SH3PXD2B: variants seen among roughly 807,000 people sequenced by gnomAD.
SH3PXD2B encodes SH3 and PX domain-containing protein 2B.
SH3PXD2B carries 37 observed loss-of-function variants against 73.1 expected under a neutral mutation model. The ratio of observed to expected loss-of-function variants is 0.51; its 90% CI spans 0.39 to 0.67. SH3PXD2B has a LOEUF of 0.67. SH3PXD2B is among the 30% of genes least tolerant of loss of function. SH3PXD2B has a pLI of 0.00. For missense variants in SH3PXD2B, 1,053 were observed against 1,197.8 expected, an observed-to-expected ratio of 0.88 and a Z score of 1.78; for synonymous variants, 457 against 480.5, an observed-to-expected ratio of 0.95 and a Z score of 0.64.
chr5:172,332,038 T>C (rs916227640), downstream of SH3PXD2B, among the ~76,000 whole-genome samples: 2 of 151,880 alleles, frequency 1.3e-5, no homozygotes, highest in Non-Finnish European at 2.9e-5. Context: ...GGGACAGAAA[T>C]GTAGTGAGAG....
At chr5:172,434,400 C>G (rs1759320047) in intron 1 of SH3PXD2B, among the ~76,000 whole-genome samples, 2 of 152,132 alleles carry the variant, frequency 1.3e-5, no homozygotes, top group South Asian at 4.1e-4. Context: ...CCTTGCCGAC[C>G]CACTGGCCCA....
intron 8 of SH3PXD2B, among the ~76,000 whole-genome samples, chr5:172,356,165 G>A (rs1206745565): frequency 6.6e-6 from 1 of 151,998 alleles, no homozygotes; most frequent in African/African-American, 2.4e-5. Context: ...CCTAGGACTT[G>A]TGTTAAAGGA....
chr5:172,397,009 G>A lies in SH3PXD2B; in HGVS notation c.233-2370C>T, dbSNP rs1201707591. ...GTATCACAAGGGAGATAACCTTTAG[G>A]TCTGGCTGCCTGAGAGCCAGGCGGA... On this transcript the variant is annotated intron_variant, in intron 3 of 12. Coordinates refer to ENST00000311601, the MANE Select transcript of SH3PXD2B (RefSeq NM_001017995.3). Among the ~76,000 whole-genome samples, 3 of 152,160 alleles carry A rather than the reference G, an allele frequency of 2.0e-5. No homozygotes were observed. In the East Asian group the frequency reaches 5.8e-4, roughly 29 times the overall value.
At chr5:172,427,195 T>C (rs1417391165) in intron 1 of SH3PXD2B, among the ~76,000 whole-genome samples, 1 of 152,222 alleles carries the variant, frequency 6.6e-6, no homozygotes, top group Non-Finnish European at 1.5e-5. Context: ...CATGCTACCC[T>C]ATGAATGAAC....
intron 2 of SH3PXD2B, among the ~76,000 whole-genome samples, chr5:172,418,643 G>A (rs529097788): frequency 6.6e-6 from 1 of 152,308 alleles, no homozygotes; most frequent in African/African-American, 2.4e-5. Context: ...TCCCTGCTGG[G>A]GTGTGTGTGG....
chr5:172,419,567 G>A (rs1758909611), intron 2 of SH3PXD2B, among the ~76,000 whole-genome samples: 1 of 152,190 alleles, frequency 6.6e-6, no homozygotes, highest in African/African-American at 2.4e-5. Flanking sequence ...GTGGGCAACT[G>A]CAGGAAGTGG....
rs184060588 is a variant in SH3PXD2B at position 172,405,813 on chromosome 5, G to A, written c.232+464C>T. Among the ~76,000 whole-genome samples, 425 of 152,244 alleles carry A rather than the reference G, an allele frequency of 2.8e-3. 1 individual carries two copies. Among genetic ancestry groups the A allele is most frequent in the African/African-American group, 8.5e-3 (355 of 41,540 alleles). ...AATTTGTTATGTAAGAATAGAAAAC[G>A]AATACCATAGTTATAGAAACAGAAA... On this transcript the variant is annotated intron_variant, in intron 3 of 12. Coordinates refer to ENST00000311601, the MANE Select transcript of SH3PXD2B (RefSeq NM_001017995.3).
intron 9 of SH3PXD2B, among the ~76,000 whole-genome samples, chr5:172,351,359 C>T (rs1480864875): frequency 6.6e-6 from 1 of 152,260 alleles, no homozygotes; most frequent in East Asian, 1.9e-4. Flanking sequence ...AGCTCCTAGA[C>T]TCAAGTGATC....
chr5:172,325,455 TTGTC>T, intron 12 of SH3PXD2B: 2 of 922,820 alleles, frequency 2.2e-6, no homozygotes, highest in East Asian at 2.7e-5. Flanking sequence ...GCCTGGGACT[TTGTC>T]TGTTTGTCTA....
At chr5:172,439,251 G>GAAAAAAAAAAAAAAAAAAAAAAA (rs1240619268) in intron 1 of SH3PXD2B, among the ~76,000 whole-genome samples, 2 of 35,246 alleles carry the variant, frequency 5.7e-5, no homozygotes, top group African/African-American at 9.6e-5. Flanking sequence ...AAAAAAAAAA[G>GAAAAAAAAAAAAAAAAAAAAAAA]AAAAAAAAAA....
intron 12 of SH3PXD2B, among the ~76,000 whole-genome samples, chr5:172,342,174 A>C (rs1462171348): frequency 6.6e-6 from 1 of 152,126 alleles, no homozygotes; most frequent in Non-Finnish European, 1.5e-5. Flanking sequence ...TGGCTTCCCA[A>C]ACTGTGAGAC....
intron 12 of SH3PXD2B, among the ~76,000 whole-genome samples, chr5:172,342,339 T>C (rs537290958): frequency 2.2e-4 from 33 of 152,206 alleles, no homozygotes; most frequent in Admixed American, 9.2e-4. Context: ...CACCTCATTT[T>C]ACGCATGCAG....
chr5:172,389,150 G>A (rs1045771492), intron 4 of SH3PXD2B, among the ~76,000 whole-genome samples: 7 of 151,442 alleles, frequency 4.6e-5, no homozygotes, highest in Non-Finnish European at 1.0e-4. Flanking sequence ...CTGCCTTCTG[G>A]GTTCAAGCAA....
Position 172,386,012 on chromosome 5 carries a change from G to A in SH3PXD2B, c.310-3885C>T, listed in dbSNP as rs566883668. ...CAGTCCTGTTCTGGAACGGATCCTG[G>A]CGCTTTGGACAGATGTGGCTGATGC... On this transcript the variant is annotated intron_variant, in intron 4 of 12. Transcript: ENST00000311601. Among the ~76,000 whole-genome samples, 9 of 152,306 alleles carry A rather than the reference G, an allele frequency of 5.9e-5. No individual in the cohort carries two copies. The South Asian group carries it at 1.2e-3, about 21-fold the overall frequency.
At chr5:172,359,505 G>A (rs901219878) in intron 7 of SH3PXD2B, among the ~76,000 whole-genome samples, 1 of 151,868 alleles carries the variant, frequency 6.6e-6, no homozygotes, top group African/African-American at 2.4e-5. Flanking sequence ...CTGCACACAT[G>A]AGGAAACTGA....
rs549802074 is a variant in SH3PXD2B, at chr5:172,334,254, G to A, written c.*4115C>T. On this transcript the variant is annotated 3_prime_UTR_variant, in exon 13 of 13. Coordinates refer to ENST00000311601, the MANE Select transcript of SH3PXD2B (RefSeq NM_001017995.3). Reference sequence around the variant, plus strand: ...CCAGTCTGTAGAAAGGTGCTCTGAAGGAGGTCCATGAGCAGGCAAGGACTG... The same window carrying A: ...CCAGTCTGTAGAAAGGTGCTCTGAAAGAGGTCCATGAGCAGGCAAGGACTG... 9.7e-6 allele frequency: 10 copies of A among 1,032,452 alleles called. No homozygotes were observed. The highest frequency in any genetic ancestry group is 1.2e-5 in the Non-Finnish European group (10 of 862,580). The allele number at this position is 1,032,452 out of a possible 1,614,324, so 64.0% of individuals were successfully genotyped here.
At chr5:172,435,184 T>C (rs1232709768) in intron 1 of SH3PXD2B, among the ~76,000 whole-genome samples, 2 of 152,200 alleles carry the variant, frequency 1.3e-5, no homozygotes, top group Non-Finnish European at 2.9e-5. Flanking sequence ...TGAATTTCAT[T>C]TCCTTCTATT....
intron 1 of SH3PXD2B, among the ~76,000 whole-genome samples, chr5:172,427,217 T>C (rs1035471186): frequency 2.6e-5 from 4 of 152,240 alleles, no homozygotes; most frequent in Non-Finnish European, 5.9e-5. Context: ...TTGAGGATAT[T>C]AGGCTATGTG....
chr5:172,428,468 T>C (rs1759156020), intron 1 of SH3PXD2B, among the ~76,000 whole-genome samples: 1 of 152,206 alleles, frequency 6.6e-6, no homozygotes, highest in East Asian at 1.9e-4. Flanking sequence ...CCCTCATGCA[T>C]TGCTGGTGGG....
Sources: allele counts gnomAD v4.1 joint callset (sites outside exome capture counted in the v4.1 genomes callset), GRCh38; gene constraint gnomAD v4.1.1; transcripts MANE v1.5; gene names NCBI Gene and HGNC (gene_info 2026-07-23, HGNC 2026-07-21).